The following PRSS3 variants were observed in gnomAD, a reference collection of about 807,000 sequenced individuals.
PRSS3 encodes the protein trypsin-3.
Under a neutral mutation model 20.8 loss-of-function variants are expected in PRSS3, and 14 were observed. The observed-to-expected ratio is 0.67, with a 90% CI of 0.44 to 1.05. The LOEUF (loss-of-function observed/expected upper bound fraction) is 1.05, where lower values mean the gene tolerates loss of function less well. Among genes scored for constraint, PRSS3 ranks in the 50% least tolerant of loss-of-function variants. PRSS3 has a pLI of 0.00. For missense variants in PRSS3, 237 were observed against 306.4 expected (o/e 0.77, Z 1.69); for synonymous variants, 91 against 117.6 (o/e 0.77, Z 1.46).
chr9:33,760,768 T>G (rs1178166296), intron 1 of PRSS3, among the ~76,000 whole-genome samples: 1 of 124,552 alleles, frequency 8.0e-6, no homozygotes. Flanking sequence ...AAAAAAAAAT[T>G]AGGACCCTGA....
At chr9:33,763,180 T>C (rs1823277732) in intron 1 of PRSS3, among the ~76,000 whole-genome samples, 1 of 152,266 alleles carries the variant, frequency 6.6e-6, no homozygotes, top group Non-Finnish European at 1.5e-5. Context: ...TAGAATGTAC[T>C]GAAACTAAGA....
chr9:33,795,530 A>G (rs368218486), upstream of PRSS3: 12 of 1,612,874 alleles, frequency 7.4e-6, no homozygotes, highest in Non-Finnish European at 1.0e-5. Flanking sequence ...TTGGAAGGGT[A>G]TAAGGACAGG....
chr9:33,772,483 A>T (rs1823751838), intron 1 of PRSS3, among the ~76,000 whole-genome samples: 1 of 152,180 alleles, frequency 6.6e-6, no homozygotes, highest in South Asian at 2.1e-4. Context: ...CTAATGGCTT[A>T]ACCTTGTACT....
intron 1 of PRSS3, among the ~76,000 whole-genome samples, chr9:33,759,084 GA>G (rs1348294933): frequency 1.3e-5 from 2 of 152,150 alleles, no homozygotes; most frequent in Admixed American, 1.3e-4. Flanking sequence ...CCTAAAAACA[GA>G]AACCAAGTAA....
chr9:33,783,762 C>T (rs779783825), intron 1 of PRSS3, among the ~76,000 whole-genome samples: 28 of 151,912 alleles, frequency 1.8e-4, no homozygotes, highest in Non-Finnish European at 7.4e-5. Flanking sequence ...TGGTGGTGCA[C>T]GCCTGTAGTC....
intron 1 of PRSS3, among the ~76,000 whole-genome samples, chr9:33,755,511 C>T (rs1293456517): frequency 6.6e-6 from 1 of 152,156 alleles, no homozygotes; most frequent in East Asian, 1.9e-4. Flanking sequence ...TGCTCCTTTA[C>T]ACCCCCACCC....
chr9:33,796,715 A>T lies in PRSS3; in HGVS notation c.113A>T (p.Gln38Leu). 1.2e-6 allele frequency: 2 copies of T among 1,613,992 alleles called. No homozygotes were observed. The highest frequency in any genetic ancestry group is 1.7e-6 in the Non-Finnish European group (2 of 1,179,870). The change falls in exon 2 of 5, where the codon CAG (glutamine) becomes CTG (leucine). Residue 38 changes from glutamine (Q) to leucine (L), a missense_variant. Coordinates refer to ENST00000379405, the MANE Select transcript of PRSS3 (RefSeq NM_002771.4). ...TGTGAGGAGAATTCTCTCCCCTACCAGGTGTCCCTGAATTCTGGCTCCCAC... is the reference window on the plus strand; with the variant it reads ...TGTGAGGAGAATTCTCTCCCCTACCTGGTGTCCCTGAATTCTGGCTCCCAC... ...YTCEENSLPYQVSLNSGSHFC... is the reference protein window; with the variant it reads ...YTCEENSLPYLVSLNSGSHFC...
chr9:33,761,628 C>T (rs1823211859), intron 1 of PRSS3, among the ~76,000 whole-genome samples: 1 of 152,078 alleles, frequency 6.6e-6, no homozygotes, highest in South Asian at 2.1e-4. Context: ...ATAGCTTGAA[C>T]CCGGGAGGTG....
intron 1 of PRSS3, among the ~76,000 whole-genome samples, chr9:33,767,821 G>A (rs1823504639): frequency 6.7e-6 from 1 of 149,926 alleles, no homozygotes; most frequent in Non-Finnish European, 1.5e-5. Context: ...GCGAACCTCT[G>A]TCTGAAAAAA....
chr9:33,798,436 T>C (rs1482772497), intron 3 of PRSS3, 50 bp from the exon 4 acceptor site: 3 of 1,609,714 alleles, frequency 1.9e-6, no homozygotes, highest in East Asian at 2.2e-5. Context: ...TCTCCTTCTC[T>C]GGCCTCACCC....
At chr9:33,791,220 G>A (rs1824617634), upstream of PRSS3, among the ~76,000 whole-genome samples, 1 of 152,200 alleles carries the variant, frequency 6.6e-6, no homozygotes, top group Non-Finnish European at 1.5e-5. Context: ...TGGAACAGAT[G>A]ATATGGGTTC....
chr9:33,750,770 G>T lies in PRSS3; in HGVS notation c.-53+43G>T. The T allele has an allele frequency of 2.8e-6, 4 of 1,417,036 alleles. No homozygotes were observed. Among genetic ancestry groups the T allele is most frequent in the Non-Finnish European group, 2.8e-6 (3 of 1,090,184 alleles). 87.8% of individuals were successfully genotyped at this position (1,417,036 alleles called of 1,614,324 possible). A position where few individuals can be genotyped will look rare whatever the true frequency, so the allele number is the denominator to read the frequency against. ...GCAGGGGGCTTGAAACTGGAGGAGGGCTCGAAGGGAGAGGGAGCCCCGCCA... is the reference window on the plus strand; with the variant it reads ...GCAGGGGGCTTGAAACTGGAGGAGGTCTCGAAGGGAGAGGGAGCCCCGCCA... On this transcript the variant is annotated intron_variant, in intron 1 of 5. Coordinates refer to the PRSS3 transcript ENST00000342836. This position sits in a 1 kb window ranked among gnomAD's most constrained non-coding sequence, Gnocchi z 4.8.
intron 1 of PRSS3, among the ~76,000 whole-genome samples, chr9:33,781,049 C>T (rs1458687356): frequency 6.6e-6 from 1 of 152,186 alleles, no homozygotes; most frequent in African/African-American, 2.4e-5. Flanking sequence ...TAGACAAATA[C>T]AGAACACTCC....
chr9:33,769,077 G>T (rs978764922), intron 1 of PRSS3, among the ~76,000 whole-genome samples: 5 of 152,142 alleles, frequency 3.3e-5, no homozygotes, highest in Non-Finnish European at 7.3e-5. Context: ...ATGTTTCATG[G>T]AAAGCAGAAC....
intron 1 of PRSS3, among the ~76,000 whole-genome samples, chr9:33,783,204 G>T (rs1007646371): frequency 6.6e-6 from 1 of 152,194 alleles, no homozygotes; most frequent in Non-Finnish European, 1.5e-5. Flanking sequence ...CCTCTAAGGG[G>T]TTAGCAGTGA....
intron 1 of PRSS3, among the ~76,000 whole-genome samples, chr9:33,767,137 T>G (rs1365215767): frequency 6.6e-6 from 1 of 152,144 alleles, no homozygotes; most frequent in Non-Finnish European, 1.5e-5. Flanking sequence ...TCACAGTGAT[T>G]TAGTAATTAA....
chr9:33,780,123 C>T (rs1398573708), intron 1 of PRSS3, among the ~76,000 whole-genome samples: 3 of 151,850 alleles, frequency 2.0e-5, no homozygotes, highest in South Asian at 2.1e-4. Flanking sequence ...GTCAGATTCA[C>T]CAAGGTCAAG....
intron 1 of PRSS3, among the ~76,000 whole-genome samples, chr9:33,774,239 C>A (rs935502327): frequency 6.6e-6 from 1 of 152,174 alleles, no homozygotes; most frequent in African/African-American, 2.4e-5. Context: ...ATCTCCTCCA[C>A]GTGTTCCATA....
chr9:33,786,775 T>C (rs184806905), intron 1 of PRSS3: 40 of 765,856 alleles, frequency 5.2e-5, no homozygotes, highest in Admixed American at 4.7e-4. Flanking sequence ...CAACTCTGAC[T>C]GTGAGCAACA....
Sources: allele counts gnomAD v4.1 joint callset (sites outside exome capture counted in the v4.1 genomes callset), GRCh38; gene constraint gnomAD v4.1.1; non-coding constraint Gnocchi (gnomAD v3.1); transcripts MANE v1.5; gene names NCBI Gene and HGNC (gene_info 2026-07-23, HGNC 2026-07-21).